The following SNX18 variants were observed in gnomAD, a reference collection of about 807,000 sequenced individuals.
SNX18 encodes the protein sorting nexin 18.
SNX18 carries 35 observed loss-of-function variants against 48.7 expected under a neutral mutation model. That is an observed-to-expected ratio of 0.72 (90% CI 0.55 to 0.95). The LOEUF (loss-of-function observed/expected upper bound fraction) is 0.95, where lower values mean the gene tolerates loss of function less well. Among genes scored for constraint, SNX18 ranks in the 40% least tolerant of loss-of-function variants. The pLI is 0.00. For synonymous variants in SNX18, 492 were observed against 384.7 expected, an observed-to-expected ratio of 1.28 and a Z score of -3.26; for missense variants, 824 against 871.0, an observed-to-expected ratio of 0.95 and a Z score of 0.68.
chr5:54,541,670 T>C (rs927672683), intron 1 of SNX18, among the ~76,000 whole-genome samples: 2 of 152,156 alleles, frequency 1.3e-5, no homozygotes, highest in Non-Finnish European at 2.9e-5. Flanking sequence ...TTCAGGACTT[T>C]GCTGCTTTTC....
chr5:54,611,248 C>A, the SNX18 span, among the ~76,000 whole-genome samples: 6 of 152,138 alleles, frequency 3.9e-5, no homozygotes, highest in African/African-American at 1.4e-4. Context: ...TTTTTAAGAT[C>A]ATTCTGCTGT....
the SNX18 span, among the ~76,000 whole-genome samples, chr5:54,603,249 TA>T: frequency 0.23 from 35,005 of 149,662 alleles, 4,250 homozygotes; most frequent in Middle Eastern, 0.3. Context: ...TATATATATA[TA>T]TTTTTTTAGA....
At chr5:54,602,069 T>A in the SNX18 span, among the ~76,000 whole-genome samples, 1 of 152,154 alleles carries the variant, frequency 6.6e-6, no homozygotes. Context: ...CAGACAGTAC[T>A]CGCTAAGTAA....
the SNX18 span, among the ~76,000 whole-genome samples, chr5:54,606,323 T>C: frequency 6.6e-6 from 1 of 152,262 alleles, no homozygotes. Flanking sequence ...TTGCTATTGA[T>C]TCATCTATCA....
At chr5:54,562,681 A>G in the SNX18 span, among the ~76,000 whole-genome samples, 1 of 152,224 alleles carries the variant, frequency 6.6e-6, no homozygotes, top group African/African-American at 2.4e-5. Flanking sequence ...ATCTTAATAA[A>G]TGACTATGTT....
chr5:54,530,462 A>G (rs1040561036), intron 1 of SNX18, among the ~76,000 whole-genome samples: 8 of 152,112 alleles, frequency 5.3e-5, no homozygotes, highest in Admixed American at 4.6e-4. Flanking sequence ...TGAGACTGGT[A>G]TTTCTTACGC....
chr5:54,622,622 G>GTA, the SNX18 span, among the ~76,000 whole-genome samples: 1 of 147,774 alleles, frequency 6.8e-6, no homozygotes, highest in Non-Finnish European at 1.5e-5. Context: ...ATATATATAA[G>GTA]TATATATATT....
At chr5:54,642,541 T>C in the SNX18 span, among the ~76,000 whole-genome samples, 1 of 152,304 alleles carries the variant, frequency 6.6e-6, no homozygotes, top group South Asian at 2.1e-4. Flanking sequence ...CTTTTTGACC[T>C]GGCAGTGAGC....
intron 1 of SNX18, among the ~76,000 whole-genome samples, chr5:54,527,529 G>A (rs1222620074): frequency 2.0e-5 from 3 of 152,148 alleles, no homozygotes; most frequent in Admixed American, 2.0e-4. Flanking sequence ...AACAGGGGTG[G>A]GGAGCAGCAA....
In SNX18 at chr5:54,518,532, C is replaced by T. The variant is rs1394261218; in HGVS notation, c.580C>T (p.Arg194Cys). ...GGGTGTGGGCGCAGCCGGCCGCTAC[C>T]GCCTGTCCACGCGCTCCGACCTGTC... ...SAGVGAAGRY[R>C]LSTRSDLSLG... Residue 194 changes from arginine (R) to cysteine (C), a missense_variant, in exon 1 of 2, where the codon CGC becomes TGC. Physicochemically the swap from Arg to Cys is radical, Grantham distance 180 (BLOSUM62 -3). Coordinates refer to ENST00000381410, the MANE Select transcript of SNX18 (RefSeq NM_001102575.2). The T allele has an allele frequency of 5.7e-6, 9 of 1,573,560 alleles. No homozygotes were observed. The highest frequency in any genetic ancestry group is 5.4e-5 in the Admixed American group (3 of 55,096).
the SNX18 span, among the ~76,000 whole-genome samples, chr5:54,566,948 T>C: frequency 6.6e-6 from 1 of 152,226 alleles, no homozygotes; most frequent in Admixed American, 6.5e-5. Flanking sequence ...CATTGGGCCT[T>C]ATGGCCAGAA....
At chr5:54,634,053 G>C in the SNX18 span, among the ~76,000 whole-genome samples, 5 of 152,170 alleles carry the variant, frequency 3.3e-5, no homozygotes, top group African/African-American at 1.2e-4. Context: ...AAAATGTGCA[G>C]TACTCTGAAG....
the SNX18 span, among the ~76,000 whole-genome samples, chr5:54,596,824 C>T: frequency 5.9e-5 from 9 of 152,182 alleles, no homozygotes; most frequent in Non-Finnish European, 1.2e-4. Context: ...TGCCCCTTTC[C>T]CCTCCCTTTC....
chr5:54,572,460 A>G, the SNX18 span, among the ~76,000 whole-genome samples: 2 of 151,964 alleles, frequency 1.3e-5, no homozygotes, highest in African/African-American at 2.4e-5. Flanking sequence ...GTTACTCTTG[A>G]CTCATAATCA....
chr5:54,594,544 T>G, the SNX18 span, among the ~76,000 whole-genome samples: 1 of 152,206 alleles, frequency 6.6e-6, no homozygotes, highest in Non-Finnish European at 1.5e-5. Context: ...GCAAATAATG[T>G]GCTTTATGCT....
chr5:54,533,954 G>A (rs371961087), intron 1 of SNX18, among the ~76,000 whole-genome samples: 1 of 152,154 alleles, frequency 6.6e-6, no homozygotes, highest in East Asian at 1.9e-4. Flanking sequence ...AGGCCAGGGT[G>A]TGGATCCCAG....
chr5:54,640,776 G>A, the SNX18 span, among the ~76,000 whole-genome samples: 1 of 152,092 alleles, frequency 6.6e-6, no homozygotes, highest in East Asian at 1.9e-4. Context: ...AAAAAATCAG[G>A]AGGCTGGGTG....
chr5:54,550,214 G>T (rs1194760621), downstream of SNX18, among the ~76,000 whole-genome samples: 2 of 152,204 alleles, frequency 1.3e-5, no homozygotes, highest in Non-Finnish European at 2.9e-5. Context: ...AGAGTGTCAG[G>T]TCCATAAGTC....
At chr5:54,527,743 T>G (rs71622127) in intron 1 of SNX18, among the ~76,000 whole-genome samples, 6 of 152,212 alleles carry the variant, frequency 3.9e-5, no homozygotes, top group Non-Finnish European at 5.9e-5. Context: ...GTTCCTGTGT[T>G]GTATAGCTGT....
Sources: allele counts gnomAD v4.1 joint callset (sites outside exome capture counted in the v4.1 genomes callset), GRCh38; gene constraint gnomAD v4.1.1; transcripts MANE v1.5; gene names NCBI Gene and HGNC (gene_info 2026-07-23, HGNC 2026-07-21).